The following MSRA variants were observed in gnomAD, a reference collection of about 807,000 sequenced individuals.
MSRA encodes the protein methionine sulfoxide reductase A, also known as mitochondrial peptide methionine sulfoxide reductase.
Under a neutral mutation model 31.3 loss-of-function variants are expected in MSRA, and 54 were observed. The ratio of observed to expected loss-of-function variants is 1.73; its 90% CI spans 1.39 to 2.17. The LOEUF is 2.17. Ranked by LOEUF, MSRA falls within the 30% of genes most tolerant of loss-of-function variation. The pLI is 0.00. For missense variants in MSRA, 507 were observed against 300.9 expected, an observed-to-expected ratio of 1.69 and a Z score of -5.07; for synonymous variants, 169 against 116.5, an observed-to-expected ratio of 1.45 and a Z score of -2.90.
intron 1 of MSRA, among the ~76,000 whole-genome samples, chr8:10,112,405 G>A (rs1167272348): frequency 6.6e-6 from 1 of 152,184 alleles, no homozygotes; most frequent in Non-Finnish European, 1.5e-5. Context: ...AGAATTTCTA[G>A]GAAAAGCTGT....
At chr8:10,176,899 G>A (rs1806101621) in intron 1 of MSRA, among the ~76,000 whole-genome samples, 1 of 152,130 alleles carries the variant, frequency 6.6e-6, no homozygotes, top group Non-Finnish European at 1.5e-5. Flanking sequence ...CTTCTTGTCT[G>A]GGAAATGGCC....
intron 1 of MSRA, among the ~76,000 whole-genome samples, chr8:10,151,737 T>G (rs896749121): frequency 6.6e-6 from 1 of 152,126 alleles, no homozygotes; most frequent in African/African-American, 2.4e-5. Flanking sequence ...CTGGCTGAAA[T>G]TTAGAATCTT....
intron 5 of MSRA, among the ~76,000 whole-genome samples, chr8:10,334,977 G>C (rs954918868): frequency 6.6e-6 from 1 of 152,034 alleles, no homozygotes; most frequent in East Asian, 1.9e-4. Context: ...CCCATTGGCT[G>C]CAAGCGAGGA....
chr8:10,228,559 G>A (rs1317775996), intron 2 of MSRA, among the ~76,000 whole-genome samples: 1 of 152,190 alleles, frequency 6.6e-6, no homozygotes, highest in Admixed American at 6.5e-5. Context: ...GCACGGGGAG[G>A]CTGTTAATTC....
At chr8:10,236,876 T>C (rs573250376) in intron 2 of MSRA, among the ~76,000 whole-genome samples, 1 of 152,164 alleles carries the variant, frequency 6.6e-6, no homozygotes, top group Non-Finnish European at 1.5e-5. Flanking sequence ...GAGAAAATTA[T>C]AATTATAACA....
At position 10,122,932 on chromosome 8, in the gene MSRA, G is replaced by A. The variant is rs556980933; in HGVS notation, c.142+68274G>A. 1.8e-4 allele frequency among the ~76,000 whole-genome samples: 28 copies of A among 152,236 alleles called. No individual in the cohort carries two copies. The South Asian group carries it at 5.4e-3, about 29-fold the overall frequency. On this transcript the variant is annotated intron_variant, in intron 1 of 5. Coordinates refer to ENST00000317173, the MANE Select transcript of MSRA (RefSeq NM_012331.5). The stretch of plus-strand genomic sequence containing the variant: ...GTACCACATTTTCTTTTTACATTCT[G>A]TCATTGGGCATTAGGTTGATTCTAC...
intron 3 of MSRA, among the ~76,000 whole-genome samples, chr8:10,283,834 T>TACACAC (rs1481715144): frequency 0.015 from 1,064 of 70,978 alleles, 9 homozygotes; most frequent in Non-Finnish European, 0.021. Context: ...TATATATATA[T>TACACAC]ATACACACAC....
At chr8:10,125,163 T>C (rs944611932) in intron 1 of MSRA, among the ~76,000 whole-genome samples, 1 of 152,202 alleles carries the variant, frequency 6.6e-6, no homozygotes, top group African/African-American at 2.4e-5. Context: ...TTGTAATGGG[T>C]GTGACGGCTG....
chr8:10,284,645 CCTT>C (rs1799836374), intron 3 of MSRA, among the ~76,000 whole-genome samples: 1 of 152,140 alleles, frequency 6.6e-6, no homozygotes, highest in Non-Finnish European at 1.5e-5. Context: ...TCCTCATCTT[CCTT>C]CTTTAGCACA....
At chr8:10,124,235 A>G (rs1192572922) in intron 1 of MSRA, among the ~76,000 whole-genome samples, 1 of 152,216 alleles carries the variant, frequency 6.6e-6, no homozygotes, top group Non-Finnish European at 1.5e-5. Flanking sequence ...CAGGGAGATC[A>G]TTGGCAAAGC....
At chr8:10,172,262 C>T (rs1805657845) in intron 1 of MSRA, among the ~76,000 whole-genome samples, 3 of 152,088 alleles carry the variant, frequency 2.0e-5, no homozygotes, top group Non-Finnish European at 4.4e-5. Flanking sequence ...TACAGGAGCT[C>T]ATGGATTCCA....
At chr8:10,305,021 C>T (rs1801051003) in intron 4 of MSRA, among the ~76,000 whole-genome samples, 1 of 152,100 alleles carries the variant, frequency 6.6e-6, no homozygotes, top group African/African-American at 2.4e-5. Context: ...GAAGATGCGC[C>T]CAGGAAACAT....
chr8:10,074,252 T>G (rs1253630707), intron 1 of MSRA, among the ~76,000 whole-genome samples: 1 of 151,586 alleles, frequency 6.6e-6, no homozygotes, highest in Non-Finnish European at 1.5e-5. Context: ...CCAGCTAATT[T>G]TTTGTATTTT....
At chr8:10,233,792 T>G (rs1811700158) in intron 2 of MSRA, among the ~76,000 whole-genome samples, 1 of 152,212 alleles carries the variant, frequency 6.6e-6, no homozygotes, top group African/African-American at 2.4e-5. Flanking sequence ...AGCTGAAGAC[T>G]TTTTAGAAAT....
intron 1 of MSRA, among the ~76,000 whole-genome samples, chr8:10,156,039 C>T (rs987451575): frequency 2.0e-5 from 3 of 152,002 alleles, no homozygotes; most frequent in Non-Finnish European, 2.9e-5. Context: ...GGTGGGAGTC[C>T]TGATGTGATG....
intron 3 of MSRA, among the ~76,000 whole-genome samples, chr8:10,269,451 G>T (rs1798916322): frequency 6.6e-6 from 1 of 152,232 alleles, no homozygotes; most frequent in Admixed American, 6.5e-5. Flanking sequence ...CTTCTGTAGG[G>T]CTGAGGCAAC....
chr8:10,390,607 G>A (rs1413710877), intron 5 of MSRA, among the ~76,000 whole-genome samples: 1 of 152,132 alleles, frequency 6.6e-6, no homozygotes, highest in Admixed American at 6.5e-5. Flanking sequence ...GCATTTTTTC[G>A]AGGTTTATCA....
intron 1 of MSRA, among the ~76,000 whole-genome samples, chr8:10,073,288 C>A (rs577871709): frequency 6.6e-6 from 1 of 152,050 alleles, no homozygotes. Flanking sequence ...TACGGTAGTT[C>A]CTCTTTATTC....
intron 3 of MSRA, among the ~76,000 whole-genome samples, chr8:10,291,714 C>T (rs1310355001): frequency 6.6e-6 from 1 of 151,932 alleles, no homozygotes; most frequent in Admixed American, 6.6e-5. Context: ...TCTGTGTGCT[C>T]TTTGATTTGG....
Sources: gnomAD v4.1 joint callset for allele counts (sites outside exome capture counted in the v4.1 genomes callset) on GRCh38, gnomAD v4.1.1 for gene constraint, MANE v1.5 for transcripts, NCBI Gene and HGNC (gene_info 2026-07-23, HGNC 2026-07-21) for gene names.